Variants in TMX2 observed in about 807,000 individuals in gnomAD.
TMX2 encodes thioredoxin-related transmembrane protein 2.
In TMX2, 20 loss-of-function variants were observed where a neutral mutation model predicts 33.4. The observed-to-expected ratio is 0.60, with a 90% confidence interval of 0.42 to 0.87. The LOEUF is 0.87. Among genes scored for constraint, TMX2 ranks in the 40% least tolerant of loss-of-function variants. The pLI is 0.00. For synonymous variants in TMX2, 166 were observed against 140.7 expected (o/e 1.18, Z -1.27); for missense variants, 340 against 370.7 (o/e 0.92, Z 0.68).
At chr11:57,714,323 CTG>C (rs1013042204) in intron 1 of TMX2, among the ~76,000 whole-genome samples, 3 of 152,152 alleles carry the variant, frequency 2.0e-5, no homozygotes, top group African/African-American at 7.2e-5. Flanking sequence ...AGCTAGGCCT[CTG>C]TATATGATGT....
At chr11:57,718,519 G>C (rs952693972) in intron 1 of TMX2, 3 of 760,818 alleles carry the variant, frequency 3.9e-6, no homozygotes, top group Admixed American at 3.7e-5. Flanking sequence ...CAAAGAACAC[G>C]GGGTTGACCA....
chr11:57,733,621 A>G (rs897225757), intron 1 of TMX2, among the ~76,000 whole-genome samples: 1 of 152,212 alleles, frequency 6.6e-6, no homozygotes, highest in Non-Finnish European at 1.5e-5. Flanking sequence ...TCTAAGAAAA[A>G]AAAATGGGTA....
intron 1 of TMX2, among the ~76,000 whole-genome samples, chr11:57,725,051 AAAAAGAAAG>A (rs903310518): frequency 5.3e-5 from 8 of 151,586 alleles, no homozygotes; most frequent in African/African-American, 1.9e-4. Flanking sequence ...AAAAAAAAAA[AAAAAGAAAG>A]AAAAGAAAAG....
At chr11:57,721,276 A>G (rs1194528449) in intron 1 of TMX2, among the ~76,000 whole-genome samples, 1 of 151,838 alleles carries the variant, frequency 6.6e-6, no homozygotes, top group Non-Finnish European at 1.5e-5. Context: ...ACCCCAGCCT[A>G]GGTGACAGAG....
chr11:57,718,778 C>G (rs1421982630), intron 1 of TMX2, among the ~76,000 whole-genome samples: 1 of 150,804 alleles, frequency 6.6e-6, no homozygotes, highest in South Asian at 2.1e-4. Flanking sequence ...GCCTCAGCCT[C>G]CCGAGAAGCT....
At chr11:57,716,718 T>C (rs1342130798) in intron 1 of TMX2, among the ~76,000 whole-genome samples, 45 of 95,308 alleles carry the variant, frequency 4.7e-4, no homozygotes, top group Non-Finnish European at 6.5e-4. Flanking sequence ...GGGGGCTGAC[T>C]CCCCCACCTC....
chr11:57,739,245 A>G lies in TMX2; in HGVS notation c.729A>G (p.Ser243=). Residue 243 remains serine, a synonymous_variant, in exon 7 of 8, where the codon TCA becomes TCG. Transcript: ENST00000278422. ...TTGACAAGAAAGGACGGGCTGTCTC[A>G]TGGACCTTCTCTGAGGTACCTGAAA... ...PQIDKKGRAV[S]WTFSEENVIR... is the part of the protein sequence containing the mutation. 11 of 1,614,026 alleles carry G rather than the reference A, an allele frequency of 6.8e-6. No individual in the cohort carries two copies. The highest frequency in any genetic ancestry group is 9.3e-6 in the Non-Finnish European group (11 of 1,179,928).
chr11:57,728,500 G>A lies in TMX2; in HGVS notation c.190-9108G>A, dbSNP rs543862288. Among the ~76,000 whole-genome samples the A allele has an allele frequency of 2.0e-5, 3 of 152,230 alleles. No individual in the cohort carries two copies. The East Asian group carries it at 5.8e-4, about 29-fold the overall frequency. The stretch of plus-strand genomic sequence containing the variant: ...CCCATTGAAGCCCCACTGAGTTCGA[G>A]CTTCTCCTTCGGTGGAACTGTTAAG... On this transcript the variant is annotated intron_variant, in intron 1 of 7. Transcript: ENST00000278422.
chr11:57,733,512 C>T (rs967827260), intron 1 of TMX2, among the ~76,000 whole-genome samples: 2 of 151,910 alleles, frequency 1.3e-5, no homozygotes, highest in African/African-American at 4.8e-5. Flanking sequence ...CCGCCTCGGC[C>T]TCCCAAAGTG....
intron 1 of TMX2, among the ~76,000 whole-genome samples, chr11:57,729,980 CACTGTA>C (rs907218515): frequency 6.6e-6 from 1 of 150,508 alleles, no homozygotes; most frequent in Non-Finnish European, 1.5e-5. Context: ...TGGTGGCATG[CACTGTA>C]GTCCCAGCTA....
chr11:57,733,945 C>T (rs1489728950), intron 1 of TMX2, among the ~76,000 whole-genome samples: 2 of 151,488 alleles, frequency 1.3e-5, no homozygotes, highest in East Asian at 2.0e-4. Context: ...CTGAAGCGGG[C>T]GGATCACAAG....
intron 1 of TMX2, among the ~76,000 whole-genome samples, chr11:57,717,076 C>CA (rs1947160687): frequency 6.8e-6 from 1 of 147,016 alleles, no homozygotes; most frequent in Admixed American, 6.7e-5. Context: ...GGCGGCGGGG[C>CA]AGAGGCGCTC....
intron 1 of TMX2, 83 bp downstream of exon 1, chr11:57,712,890 C>T: frequency 3.4e-6 from 5 of 1,476,050 alleles, no homozygotes; most frequent in Non-Finnish European, 4.7e-6. Flanking sequence ...GGGTTTACCT[C>T]TCTGAGGACA....
intron 1 of TMX2, among the ~76,000 whole-genome samples, chr11:57,716,321 G>C (rs1947023267): frequency 2.3e-5 from 3 of 128,950 alleles, no homozygotes; most frequent in Non-Finnish European, 5.1e-5. Flanking sequence ...CCTCCCGGAC[G>C]GGGCGGCTGG....
intron 1 of TMX2, among the ~76,000 whole-genome samples, chr11:57,714,979 T>C (rs929381977): frequency 6.6e-6 from 1 of 152,170 alleles, no homozygotes; most frequent in Non-Finnish European, 1.5e-5. Context: ...GTTAGCAATT[T>C]TATGAGTCCA....
chr11:57,740,078 G>C (rs185473313), intron 7 of TMX2, 21 bp from the exon 8 acceptor site: 28 of 1,613,622 alleles, frequency 1.7e-5, no homozygotes, highest in Non-Finnish European at 2.3e-5. Context: ...AGATCCTGAC[G>C]TGTGCATCTC....
intron 1 of TMX2, among the ~76,000 whole-genome samples, chr11:57,736,313 A>T (rs1309359903): frequency 6.7e-6 from 1 of 150,236 alleles, no homozygotes; most frequent in Non-Finnish European, 1.5e-5. Flanking sequence ...CATAAAATAC[A>T]CTAACACCTA....
chr11:57,724,811 G>C (rs565691486), intron 1 of TMX2, among the ~76,000 whole-genome samples: 1 of 151,988 alleles, frequency 6.6e-6, no homozygotes, highest in Non-Finnish European at 1.5e-5. Flanking sequence ...AGGCTGAGGC[G>C]GGTGGATCAC....
At chr11:57,719,990 A>G (rs981107373) in intron 1 of TMX2, among the ~76,000 whole-genome samples, 1 of 151,724 alleles carries the variant, frequency 6.6e-6, no homozygotes, top group Non-Finnish European at 1.5e-5. Context: ...TGAGGAAGAC[A>G]AAAAAAAGGT....
Sources: allele counts gnomAD v4.1 joint callset (sites outside exome capture counted in the v4.1 genomes callset), GRCh38; gene constraint gnomAD v4.1.1; transcripts MANE v1.5; gene names NCBI Gene and HGNC (gene_info 2026-07-23, HGNC 2026-07-21).